The following PAQR5 variants were observed in gnomAD, a reference collection of about 807,000 sequenced individuals.
PAQR5 encodes progestin and adipoQ receptor family member 5.
A neutral mutation model predicts 34.5 loss-of-function variants in PAQR5; 20 were observed. The ratio of observed to expected loss-of-function variants is 0.58; its 90% CI spans 0.41 to 0.84. PAQR5 has a LOEUF of 0.84. Among genes scored for constraint, PAQR5 ranks in the 40% least tolerant of loss-of-function variants. The pLI, the probability that PAQR5 is intolerant of heterozygous loss-of-function variation, is 0.00. For missense variants in PAQR5, 378 were observed against 412.7 expected, an observed-to-expected ratio of 0.92 and a Z score of 0.73; for synonymous variants, 131 against 155.6, an observed-to-expected ratio of 0.84 and a Z score of 1.18.
rs751896822 is a variant in PAQR5 at position 69,405,547 on chromosome 15, A to C, written c.*1725A>C. On this transcript the variant is annotated 3_prime_UTR_variant, in exon 9 of 9. Transcript: ENST00000395407. ...GTTTTTCTGGCAACAATCTGACATT[A>C]TTAGTGGAATTCCACACCAACAGGG... The C allele has an allele frequency of 4.6e-5, 7 of 152,246 alleles. No individual in the cohort carries two copies. The highest frequency in any genetic ancestry group is 1.3e-4 in the Admixed American group (2 of 15,288). The allele number at this position is 152,246 out of a possible 1,614,324, so 9.4% of individuals were successfully genotyped here. A position where few individuals can be genotyped will look rare whatever the true frequency, so the allele number is the denominator to read the frequency against.
intron 2 of PAQR5, among the ~76,000 whole-genome samples, chr15:69,345,154 G>GGAAAGAAA (rs777398194): frequency 6.7e-6 from 1 of 149,892 alleles, no homozygotes; most frequent in South Asian, 2.1e-4. Flanking sequence ...AAAGAAGAAA[G>GGAAAGAAA]GAAAGAAAGA....
chr15:69,352,781 G>A (rs1314330107), intron 2 of PAQR5, among the ~76,000 whole-genome samples: 1 of 152,194 alleles, frequency 6.6e-6, no homozygotes, highest in African/African-American at 2.4e-5. Context: ...ACTGATTCAT[G>A]GGCTGTAGCC....
chr15:69,321,130 T>C (rs971064303), intron 1 of PAQR5, among the ~76,000 whole-genome samples: 7 of 152,252 alleles, frequency 4.6e-5, no homozygotes, highest in African/African-American at 1.4e-4. Flanking sequence ...ACTGTCATGT[T>C]GATATCCCAC....
chr15:69,322,577 C>G (rs1359033256), intron 1 of PAQR5, among the ~76,000 whole-genome samples: 9 of 141,876 alleles, frequency 6.3e-5, no homozygotes, highest in Admixed American at 3.6e-4. Flanking sequence ...ATCATTTCAG[C>G]CTAGGAGGTC....
chr15:69,332,899 G>GTGGTAGAA (rs2054419611), intron 1 of PAQR5, among the ~76,000 whole-genome samples: 2 of 151,554 alleles, frequency 1.3e-5, no homozygotes, highest in East Asian at 3.9e-4. Context: ...GAAGTTAACT[G>GTGGTAGAA]TGGTAGAATT....
chr15:69,312,023 A>G (rs1230342475), intron 1 of PAQR5, among the ~76,000 whole-genome samples: 2 of 152,102 alleles, frequency 1.3e-5, no homozygotes, highest in African/African-American at 4.8e-5. Context: ...TCCTGGAGGA[A>G]GTGGGCTGGG....
intron 1 of PAQR5, among the ~76,000 whole-genome samples, chr15:69,333,393 G>A (rs2054434534): frequency 6.6e-6 from 1 of 152,152 alleles, no homozygotes; most frequent in African/African-American, 2.4e-5. Context: ...GAGAGCTTTG[G>A]TGTGTAATAA....
chr15:69,386,406 C>T (rs964678535), intron 5 of PAQR5, among the ~76,000 whole-genome samples: 1 of 152,162 alleles, frequency 6.6e-6, no homozygotes, highest in Non-Finnish European at 1.5e-5. Context: ...TGCCCCTTTC[C>T]GTGTGAGCCA....
intron 2 of PAQR5, among the ~76,000 whole-genome samples, chr15:69,340,176 A>G (rs1164773732): frequency 6.7e-6 from 1 of 149,376 alleles, no homozygotes; most frequent in Non-Finnish European, 1.5e-5. Context: ...TCACATTAAC[A>G]CCTTTTTTTC....
chr15:69,347,178 C>A (rs923250735), intron 2 of PAQR5, among the ~76,000 whole-genome samples: 1 of 152,128 alleles, frequency 6.6e-6, no homozygotes, highest in Admixed American at 6.5e-5. Context: ...AAAATAACCA[C>A]GGATTAGCAA....
In PAQR5 at chr15:69,385,643, A is replaced by G. The variant is rs2056084649; in HGVS notation, c.385+761A>G. Among the ~76,000 whole-genome samples, 1 of 152,036 alleles carries G rather than the reference A, an allele frequency of 6.6e-6. No homozygotes were observed. The highest frequency in any genetic ancestry group is 1.5e-5 in the Non-Finnish European group (1 of 68,008). ...GATATGAGTTCTAGATTCTTCCTCC[A>G]GGTCCCATTCTAGGTGAGAAAACCA... is the stretch of plus-strand genomic sequence containing the variant. On this transcript the variant is annotated intron_variant, in intron 5 of 8. Transcript: ENST00000395407. This position sits in a 1 kb window ranked among gnomAD's most constrained non-coding sequence, Gnocchi z 4.7.
In PAQR5 at chr15:69,384,666, C is replaced by G; in HGVS notation, c.180-11C>G. 1 of 1,607,502 alleles carries G rather than the reference C, an allele frequency of 6.2e-7. No individual in the cohort carries two copies. Among genetic ancestry groups the G allele is most frequent in the Non-Finnish European group, 8.5e-7 (1 of 1,173,980 alleles). ...TCATGGTGGAGGGTGAGTGAGCCCT[C>G]TGTGTTCCAGGTTCTTTGCATGGAG... On this transcript the variant is annotated splice_polypyrimidine_tract_variant and intron_variant, in intron 4 of 8. Coordinates refer to ENST00000395407, the MANE Select transcript of PAQR5 (RefSeq NM_017705.4).
At chr15:69,397,802 T>C (rs2279858) in intron 7 of PAQR5, 23,332 of 567,492 alleles carry the variant, frequency 0.041, 585 homozygotes, top group East Asian at 0.086. Flanking sequence ...TGGAGTTTCT[T>C]ATGTCTTCCT....
intron 3 of PAQR5, among the ~76,000 whole-genome samples, chr15:69,364,980 C>A (rs1053354905): frequency 2.6e-5 from 4 of 152,132 alleles, no homozygotes; most frequent in African/African-American, 9.7e-5. Flanking sequence ...TCGTGATTCA[C>A]CTGCCTTGGC....
chr15:69,301,292 C>G (rs2053600449), intron 1 of PAQR5, among the ~76,000 whole-genome samples: 3 of 152,124 alleles, frequency 2.0e-5, no homozygotes, highest in Admixed American at 2.0e-4. Flanking sequence ...GCGTGAGCCA[C>G]TGCACCCAGC....
At chr15:69,321,643 A>G (rs185902089) in intron 1 of PAQR5, among the ~76,000 whole-genome samples, 93 of 152,350 alleles carry the variant, frequency 6.1e-4, no homozygotes, top group Non-Finnish European at 9.7e-4. Context: ...TGAAATAAAT[A>G]TCTTTGGACC....
intron 5 of PAQR5, among the ~76,000 whole-genome samples, chr15:69,388,589 T>C (rs2056173558): frequency 6.6e-6 from 1 of 152,212 alleles, no homozygotes; most frequent in Non-Finnish European, 1.5e-5. Flanking sequence ...CCCCTCCCAG[T>C]ATGGGGCCAG....
intron 2 of PAQR5, among the ~76,000 whole-genome samples, chr15:69,345,481 C>A (rs899543700): frequency 1.3e-5 from 2 of 152,110 alleles, no homozygotes; most frequent in East Asian, 3.9e-4. Flanking sequence ...TATGGATGGA[C>A]CCCTAGCCTG....
At position 69,384,707 on chromosome 15, in the gene PAQR5, G is replaced by C; in HGVS notation, c.210G>C (p.Leu70=). 1 of 1,614,066 alleles carries C rather than the reference G, an allele frequency of 6.2e-7. No individual in the cohort carries two copies. The highest frequency in any genetic ancestry group is 8.5e-7 in the Non-Finnish European group (1 of 1,179,946). Residue 70 remains leucine (L), a synonymous_variant, in exon 5 of 9, where the codon CTG becomes CTC. Transcript: ENST00000395407. ...WFFAWRFVTA[L]YMTDIKNDSY... The stretch of plus-strand genomic sequence containing the variant: ...TTGCATGGAGGTTTGTGACTGCACT[G>C]TATATGACAGACATCAAGAATGACA...
Sources: allele counts gnomAD v4.1 joint callset (sites outside exome capture counted in the v4.1 genomes callset), GRCh38; gene constraint gnomAD v4.1.1; non-coding constraint Gnocchi (gnomAD v3.1); transcripts MANE v1.5; gene names NCBI Gene and HGNC (gene_info 2026-07-23, HGNC 2026-07-21).